The following TSPAN14 variants were observed in gnomAD, a reference collection of about 807,000 sequenced individuals.
TSPAN14 encodes the protein tetraspanin-14.
Under a neutral mutation model 36.6 loss-of-function variants are expected in TSPAN14, and 16 were observed. That is an observed-to-expected ratio of 0.44 (90% confidence interval 0.30 to 0.66). The LOEUF is 0.66. Ranked by LOEUF, TSPAN14 falls within the 30% of genes least tolerant of loss-of-function variation. The pLI is 0.12. For synonymous variants in TSPAN14, 139 were observed against 143.8 expected (o/e 0.97, Z 0.24); for missense variants, 231 against 355.1 (o/e 0.65, Z 2.81).
At chr10:80,461,915 C>CTT (rs111239209) in intron 1 of TSPAN14, among the ~76,000 whole-genome samples, 2 of 144,470 alleles carry the variant, frequency 1.4e-5, no homozygotes. Flanking sequence ...TCATTTGTGC[C>CTT]TTTTTTTTTT....
At chr10:80,514,810 T>C (rs1840843240) in intron 7 of TSPAN14, among the ~76,000 whole-genome samples, 3 of 152,138 alleles carry the variant, frequency 2.0e-5, no homozygotes, top group Admixed American at 2.0e-4. Context: ...TGTGATGGTA[T>C]TTAAGAGGTG....
At chr10:80,513,541 C>T (rs1438121456) in intron 6 of TSPAN14, among the ~76,000 whole-genome samples, 1 of 152,214 alleles carries the variant, frequency 6.6e-6, no homozygotes, top group Non-Finnish European at 1.5e-5. Flanking sequence ...TTCTTACCTC[C>T]AAGTATAGGT....
intron 4 of TSPAN14, among the ~76,000 whole-genome samples, chr10:80,507,726 C>T (rs972736313): frequency 2.0e-5 from 3 of 152,234 alleles, no homozygotes; most frequent in Admixed American, 6.5e-5. Flanking sequence ...AAAGATGTTG[C>T]AAGTAACCTT....
chr10:80,507,094 TG>T, intron 3 of TSPAN14, 133 bp from the exon 4 acceptor site: 1 of 1,206,998 alleles, frequency 8.3e-7, no homozygotes, highest in Non-Finnish European at 1.2e-6. Context: ...GGCCGGACTC[TG>T]GCCTGGCTGT....
chr10:80,488,103 G>T (rs1370628195), intron 1 of TSPAN14, among the ~76,000 whole-genome samples: 1 of 152,162 alleles, frequency 6.6e-6, no homozygotes, highest in Non-Finnish European at 1.5e-5. Flanking sequence ...CTTTCGCCTT[G>T]GGCTGTGTTA....
intron 1 of TSPAN14, among the ~76,000 whole-genome samples, chr10:80,457,747 G>A (rs958913682): frequency 2.6e-5 from 4 of 152,238 alleles, no homozygotes; most frequent in Non-Finnish European, 5.9e-5. Flanking sequence ...ACTACCACAT[G>A]CAGAAGATTG....
In TSPAN14 at chr10:80,496,939, A is replaced by G. The variant is rs553753067; in HGVS notation, c.81+7625A>G. Among the ~76,000 whole-genome samples the G allele has an allele frequency of 3.3e-5, 5 of 149,904 alleles. No individual in the cohort carries two copies. The South Asian group carries it at 8.5e-4, about 25-fold the overall frequency. ...CTTCTTTGTCATTCTTGTGTCTTCT[A>G]TTTACTGAATTTTTTCTCTTATAGC... On this transcript the variant is annotated intron_variant, in intron 2 of 8. Transcript: ENST00000429989.
At chr10:80,482,788 TGCAATG>T (rs1847364073) in intron 1 of TSPAN14, among the ~76,000 whole-genome samples, 1 of 142,202 alleles carries the variant, frequency 7.0e-6, no homozygotes, top group Non-Finnish European at 1.5e-5. Flanking sequence ...CAGGCTGGAG[TGCAATG>T]GCACGATCTC....
intron 7 of TSPAN14, among the ~76,000 whole-genome samples, chr10:80,515,015 G>T (rs547330352): frequency 6.6e-6 from 1 of 152,140 alleles, no homozygotes. Context: ...GAACTTCCCG[G>T]CCTCCAGGAC....
At chr10:80,479,162 G>GT (rs532902967) in intron 1 of TSPAN14, among the ~76,000 whole-genome samples, 2,645 of 151,624 alleles carry the variant, frequency 0.017, 67 homozygotes, top group African/African-American at 0.061. Flanking sequence ...TTGTAAATTT[G>GT]TTTGAGTTCA....
intron 1 of TSPAN14, among the ~76,000 whole-genome samples, chr10:80,476,705 A>AT (rs1846936459): frequency 6.6e-6 from 1 of 151,336 alleles, no homozygotes; most frequent in Non-Finnish European, 1.5e-5. Context: ...GTTTTACTGT[A>AT]TTTTTTACTT....
Position 80,489,205 on chromosome 10 carries a change from ATC to A in TSPAN14, c.-17-7_-17-6del. On this transcript the variant is annotated splice_polypyrimidine_tract_variant and intron_variant, in intron 1 of 8. Coordinates refer to ENST00000429989, the Ensembl canonical transcript of TSPAN14. ...GAGCCTGCCATCTCACTAGTCACACATCTCTCCGCAGATTCTGCTTCTCAGAA... is the reference window on the plus strand; with the variant it reads ...GAGCCTGCCATCTCACTAGTCACACATCTCCGCAGATTCTGCTTCTCAGAA... The A allele has an allele frequency of 6.5e-7, 1 of 1,547,584 alleles. No individual in the cohort carries two copies. Among genetic ancestry groups the A allele is most frequent in the East Asian group, 2.3e-5 (1 of 42,602 alleles).
intron 2 of TSPAN14, among the ~76,000 whole-genome samples, chr10:80,498,015 G>A (rs957489369): frequency 6.6e-6 from 1 of 152,154 alleles, no homozygotes; most frequent in African/African-American, 2.4e-5. Context: ...CAGACCTTCC[G>A]AACTCCCACT....
intron 1 of TSPAN14, among the ~76,000 whole-genome samples, chr10:80,472,176 C>T (rs1478795305): frequency 2.6e-5 from 4 of 152,134 alleles, no homozygotes; most frequent in Non-Finnish European, 5.9e-5. Flanking sequence ...GGGCCCAAGG[C>T]CTGAATGTTT....
chr10:80,509,706 A>C lies in TSPAN14; in HGVS notation c.450+235A>C. ...GGATTGGGCAGGCAAGTCCAGCTGT[A>C]CCCGAGGCCACCCACCCCCCACGTG... On this transcript the variant is annotated intron_variant, in intron 5 of 8. Transcript: ENST00000429989. The surrounding 1 kb of genome is among the most constrained non-coding windows in gnomAD (Gnocchi z 4.7). 4.1e-6 allele frequency: 2 copies of C among 493,782 alleles called. No homozygotes were observed. The highest frequency in any genetic ancestry group is 7.2e-6 in the Non-Finnish European group (2 of 276,806). The allele number at this position is 493,782 out of a possible 1,614,324, so 30.6% of individuals were successfully genotyped here. A position where few individuals can be genotyped will look rare whatever the true frequency, so the allele number is the denominator to read the frequency against.
intron 1 of TSPAN14, chr10:80,462,942 T>C (rs1993484): frequency 0.82 from 124,402 of 152,158 alleles, 51,368 homozygotes; most frequent in East Asian, 0.98. Flanking sequence ...TGGGTTTCAG[T>C]CCCGTCTCCT....
chr10:80,515,346 C>T (rs546287196), intron 7 of TSPAN14: 166 of 152,508 alleles, frequency 1.1e-3, no homozygotes, highest in African/African-American at 3.5e-3. Flanking sequence ...AGGTGGCTGT[C>T]CTCTCCCTGT....
At chr10:80,470,371 G>A (rs111297779) in intron 1 of TSPAN14, among the ~76,000 whole-genome samples, 118 of 152,280 alleles carry the variant, frequency 7.7e-4, no homozygotes, top group African/African-American at 2.7e-3. Context: ...GAACCGCTGC[G>A]CCCAGCCTTT....
intron 2 of TSPAN14, among the ~76,000 whole-genome samples, chr10:80,504,189 G>A (rs1840159844): frequency 1.3e-5 from 2 of 152,234 alleles, no homozygotes; most frequent in Non-Finnish European, 2.9e-5. Flanking sequence ...CCAGTGAATG[G>A]CCTGGGCCAC....
Sources: allele counts gnomAD v4.1 joint callset (sites outside exome capture counted in the v4.1 genomes callset), GRCh38; gene constraint gnomAD v4.1.1; non-coding constraint Gnocchi (gnomAD v3.1); transcripts MANE v1.5; gene names NCBI Gene and HGNC (gene_info 2026-07-23, HGNC 2026-07-21).